Variants in PTPRT observed in about 807,000 individuals in gnomAD.
The protein encoded by PTPRT is receptor-type tyrosine-protein phosphatase T.
A neutral mutation model predicts 176.8 loss-of-function variants in PTPRT; 56 were observed. That is an observed-to-expected ratio of 0.32 (90% CI 0.26 to 0.40). The LOEUF (loss-of-function observed/expected upper bound fraction) is 0.40, where lower values mean the gene tolerates loss of function less well. PTPRT is among the 10% of genes least tolerant of loss of function. The probability of loss-of-function intolerance (pLI) is 1.00; values close to 1 mark genes in which losing one functional copy is unlikely to be tolerated. For synonymous variants in PTPRT, 783 were observed against 739.0 expected (o/e 1.06, Z -0.96); for missense variants, 1,540 against 1,908.2 (o/e 0.81, Z 3.60).
intron 1 of PTPRT, among the ~76,000 whole-genome samples, chr20:42,978,645 C>G (rs1983097880): frequency 6.6e-6 from 1 of 152,070 alleles, no homozygotes; most frequent in African/African-American, 2.4e-5. Flanking sequence ...GAGGTCGGCA[C>G]AAGATACAGG....
chr20:42,833,638 A>G (rs1340904022), intron 2 of PTPRT, among the ~76,000 whole-genome samples: 1 of 152,092 alleles, frequency 6.6e-6, no homozygotes, highest in Non-Finnish European at 1.5e-5. Context: ...TATGTCTCAT[A>G]TAAAAGATAA....
chr20:42,196,405 A>G (rs1421107648), intron 16 of PTPRT, among the ~76,000 whole-genome samples: 3 of 152,168 alleles, frequency 2.0e-5, no homozygotes, highest in African/African-American at 7.2e-5. Context: ...ACATGTATAT[A>G]ATGTATAATA....
intron 17 of PTPRT, among the ~76,000 whole-genome samples, chr20:42,155,989 TTG>T (rs1989333885): frequency 6.6e-6 from 1 of 152,204 alleles, no homozygotes; most frequent in South Asian, 2.1e-4. Context: ...CTGGCCCCTG[TTG>T]ACAGTTTCAG....
intron 1 of PTPRT, among the ~76,000 whole-genome samples, chr20:42,911,443 A>G (rs984575120): frequency 6.6e-6 from 1 of 152,044 alleles, no homozygotes; most frequent in African/African-American, 2.4e-5. Context: ...GACAGATATT[A>G]ACTAGTAATT....
intron 19 of PTPRT, among the ~76,000 whole-genome samples, chr20:42,125,985 G>A (rs1051400227): frequency 3.4e-5 from 5 of 149,104 alleles, no homozygotes; most frequent in African/African-American, 7.5e-5. Context: ...ATGCTGACTC[G>A]GTCCTTGCTG....
At chr20:42,353,061 C>T (rs1437106516) in intron 9 of PTPRT, among the ~76,000 whole-genome samples, 1 of 152,154 alleles carries the variant, frequency 6.6e-6, no homozygotes, top group South Asian at 2.1e-4. Context: ...TTCTACTATT[C>T]GTATGAAGTC....
chr20:42,756,581 C>T lies in PTPRT; in HGVS notation c.740G>A (p.Arg247His), dbSNP rs375454640. ...TGCCACACTGACTGTGGCTGAGAAG[C>T]GCCTGTGGTTGACCACACGGGTGAC... ...LMVTRVVNHR[R>H]FSATVSVADT... Residue 247 changes from arginine to histidine, a missense_variant, in exon 6 of 31, where the codon CGC (arginine) becomes CAC (histidine). Coordinates refer to ENST00000373187, the MANE Select transcript of PTPRT (RefSeq NM_007050.6). The T allele has an allele frequency of 1.9e-6, 3 of 1,612,078 alleles. No homozygotes were observed. Among genetic ancestry groups the T allele is most frequent in the South Asian group, 1.1e-5 (1 of 90,846 alleles).
chr20:42,507,058 G>A (rs1422832434), intron 7 of PTPRT, among the ~76,000 whole-genome samples: 3 of 152,064 alleles, frequency 2.0e-5, no homozygotes, highest in African/African-American at 7.2e-5. Flanking sequence ...CATTATGCAG[G>A]AGTAAAAACA....
chr20:42,838,557 C>T (rs2078221584), intron 2 of PTPRT, among the ~76,000 whole-genome samples: 1 of 152,178 alleles, frequency 6.6e-6, no homozygotes, highest in South Asian at 2.1e-4. Context: ...ACCAAAGGGT[C>T]TACACCATGA....
chr20:42,952,806 C>G (rs1279019843), intron 1 of PTPRT, among the ~76,000 whole-genome samples: 2 of 152,224 alleles, frequency 1.3e-5, no homozygotes, highest in African/African-American at 4.8e-5. Context: ...CTACCAGCAT[C>G]TTGCTTTATG....
intron 7 of PTPRT, among the ~76,000 whole-genome samples, chr20:42,550,809 T>C (rs2072757183): frequency 6.6e-6 from 1 of 152,170 alleles, no homozygotes; most frequent in Admixed American, 6.6e-5. Context: ...ATAAGCATGA[T>C]GCACTATGTA....
chr20:42,390,876 C>T (rs932919970), intron 9 of PTPRT, among the ~76,000 whole-genome samples: 14 of 152,158 alleles, frequency 9.2e-5, no homozygotes, highest in Middle Eastern at 3.4e-3. Context: ...TCTTGAGTAC[C>T]GACCGAGAGG....
intron 6 of PTPRT, among the ~76,000 whole-genome samples, chr20:42,704,262 T>G (rs936023535): frequency 6.6e-6 from 1 of 152,056 alleles, no homozygotes; most frequent in African/African-American, 2.4e-5. Context: ...ACCCCCTTGA[T>G]GTCTCCCAAA....
At chr20:42,897,453 A>G (rs1329822774) in intron 1 of PTPRT, among the ~76,000 whole-genome samples, 1 of 152,212 alleles carries the variant, frequency 6.6e-6, no homozygotes, top group African/African-American at 2.4e-5. Flanking sequence ...TGTCTTCTAG[A>G]TCAGAGACGT....
chr20:42,317,849 G>C (rs545071875), intron 11 of PTPRT, among the ~76,000 whole-genome samples: 1 of 152,306 alleles, frequency 6.6e-6, no homozygotes, highest in South Asian at 2.1e-4. Flanking sequence ...CAGGTAAACA[G>C]CAGCTCAATG....
chr20:42,110,975 T>A (rs1986956371), intron 22 of PTPRT, among the ~76,000 whole-genome samples: 1 of 152,184 alleles, frequency 6.6e-6, no homozygotes, highest in Non-Finnish European at 1.5e-5. Context: ...GCTTTCAAAG[T>A]TTATATAACT....
Position 42,453,634 on chromosome 20 carries a change from C to G in PTPRT, c.1451-5305G>C, listed in dbSNP as rs548024448. Among the ~76,000 whole-genome samples the G allele has an allele frequency of 1.9e-4, 28 of 151,278 alleles. No individual in the cohort carries two copies. The South Asian group carries it at 2.5e-3, about 14-fold the overall frequency. On this transcript the variant is annotated intron_variant, in intron 8 of 30. Transcript: ENST00000373187. ...AAATAAATAAATAAAATAGGTACTA[C>G]AGGTACTATCCTGATTTTCCTTTTT...
At chr20:42,734,948 T>A (rs2076516500) in intron 6 of PTPRT, among the ~76,000 whole-genome samples, 1 of 152,192 alleles carries the variant, frequency 6.6e-6, no homozygotes, top group African/African-American at 2.4e-5. Flanking sequence ...TCAATGGGGC[T>A]TTGTCAAAGC....
Position 43,189,598 on chromosome 20 carries a change from A to C in PTPRT, c.88+48T>G. 1 of 1,170,786 alleles carries C rather than the reference A, an allele frequency of 8.5e-7. No homozygotes were observed. The highest frequency in any genetic ancestry group is 1.1e-6 in the Non-Finnish European group (1 of 936,740). 72.5% of individuals were successfully genotyped at this position (1,170,786 alleles called of 1,614,324 possible). The stretch of plus-strand genomic sequence containing the variant: ...GCCCCGCGGCTGGGGGCCCGCGCGC[A>C]TCCAGGAGGGAGCGGGGAGCCCAGG... On this transcript the variant is annotated intron_variant, in intron 1 of 30. Coordinates refer to ENST00000373187, the MANE Select transcript of PTPRT (RefSeq NM_007050.6). The surrounding 1 kb of genome is among the most constrained non-coding windows in gnomAD (Gnocchi z 5.0).
Sources: gnomAD v4.1 joint callset for allele counts (sites outside exome capture counted in the v4.1 genomes callset) on GRCh38, gnomAD v4.1.1 for gene constraint, Gnocchi (gnomAD v3.1) non-coding constraint, MANE v1.5 for transcripts, NCBI Gene and HGNC (gene_info 2026-07-23, HGNC 2026-07-21) for gene names.